GPHN: variants seen among roughly 807,000 people sequenced by gnomAD.
The protein encoded by GPHN is gephyrin.
GPHN carries 17 observed loss-of-function variants against 95.5 expected under a neutral mutation model. The observed-to-expected ratio is 0.18, with a 90% CI of 0.12 to 0.27. GPHN has a LOEUF of 0.27. Among genes scored for constraint, GPHN ranks in the 10% least tolerant of loss-of-function variants. The pLI is 1.00. For missense variants in GPHN, 660 were observed against 978.1 expected (o/e 0.67, Z 4.34); for synonymous variants, 320 against 322.5 (o/e 0.99, Z 0.08).
rs148816188 is a variant in GPHN, at chr14:67,181,499, C to T, written c.*562C>T. ...CTGCAGAGCATCCAGGGAGGTTTCTCGCCCCAATAGCCTCACGGCACAGTA... is the reference window on the plus strand; with the variant it reads ...CTGCAGAGCATCCAGGGAGGTTTCTTGCCCCAATAGCCTCACGGCACAGTA... On this transcript the variant is annotated 3_prime_UTR_variant, in exon 23 of 23. Coordinates refer to ENST00000478722, the MANE Select transcript of GPHN (RefSeq NM_020806.5). 255 of 517,490 alleles carry T rather than the reference C, an allele frequency of 4.9e-4. No homozygotes were observed. The highest frequency in any genetic ancestry group is 2.6e-3 in the Middle Eastern group (9 of 3,442). The allele number at this position is 517,490 out of a possible 1,614,324, so 32.1% of individuals were successfully genotyped here.
At chr14:67,048,111 T>C (rs2075128284) in intron 10 of GPHN, among the ~76,000 whole-genome samples, 1 of 152,216 alleles carries the variant, frequency 6.6e-6, no homozygotes, top group Non-Finnish European at 1.5e-5. Flanking sequence ...AGATCCATAT[T>C]GTTACTCTGC....
intron 1 of GPHN, among the ~76,000 whole-genome samples, chr14:66,675,515 C>T (rs1054259905): frequency 1.3e-5 from 2 of 152,108 alleles, no homozygotes; most frequent in African/African-American, 2.4e-5. Flanking sequence ...ACATTATTCC[C>T]TTGTCAGGTA....
intron 11 of GPHN, among the ~76,000 whole-genome samples, chr14:67,073,340 T>C (rs993861497): frequency 6.6e-6 from 1 of 152,136 alleles, no homozygotes; most frequent in Non-Finnish European, 1.5e-5. Context: ...ATCAGTGATA[T>C]CCTACTCATT....
chr14:67,665,584 A>G, the GPHN span, among the ~76,000 whole-genome samples: 2 of 152,154 alleles, frequency 1.3e-5, no homozygotes, highest in Non-Finnish European at 2.9e-5. Flanking sequence ...CCACTTTTTA[A>G]GTGACCATAA....
the GPHN span, chr14:67,586,027 G>T: frequency 5.0e-6 from 8 of 1,613,824 alleles, no homozygotes; most frequent in South Asian, 8.8e-5. Context: ...CTTGTGATTA[G>T]ATCTATCCCA....
rs1039625987 is a variant in GPHN, at chr14:66,827,451, T to C, written c.294+2885T>C. On this transcript the variant is annotated intron_variant, in intron 4 of 22. Coordinates refer to ENST00000478722, the MANE Select transcript of GPHN (RefSeq NM_020806.5). ...ATTTTTATCTTATACCTTAATAGACTAGTCATTTAACCACTCTGTGCCTTA... is the reference window on the plus strand; with the variant it reads ...ATTTTTATCTTATACCTTAATAGACCAGTCATTTAACCACTCTGTGCCTTA... 4.6e-5 allele frequency among the ~76,000 whole-genome samples: 7 copies of C among 152,284 alleles called. No individual in the cohort carries two copies. The South Asian group carries it at 1.0e-3, about 23-fold the overall frequency.
chr14:66,927,254 C>T (rs895401738), intron 8 of GPHN, among the ~76,000 whole-genome samples: 2 of 150,228 alleles, frequency 1.3e-5, no homozygotes, highest in Admixed American at 6.7e-5. Context: ...GAGGCTGAGA[C>T]AGGAGAATTG....
the GPHN span, chr14:67,577,264 G>T: frequency 7.4e-7 from 1 of 1,354,102 alleles, no homozygotes; most frequent in East Asian, 2.5e-5. Context: ...CCTCTCAGTA[G>T]TAACTGCCCT....
At chr14:67,681,402 A>C in the GPHN span, among the ~76,000 whole-genome samples, 1 of 152,248 alleles carries the variant, frequency 6.6e-6, no homozygotes, top group Non-Finnish European at 1.5e-5. Flanking sequence ...ATGGGTAGAA[A>C]ACTGTCTTTT....
rs200583425 is a variant in GPHN, at chr14:66,547,300, A to C, written c.64+38709A>C. Among the ~76,000 whole-genome samples the C allele has an allele frequency of 7.2e-5, 11 of 152,258 alleles. No homozygotes were observed. In the East Asian group the frequency reaches 2.1e-3, roughly 29 times the overall value. ...ATTCACAGTTTCTGGTATATAGTTG[A>C]TGCTTAACAAATTTTTGGATGATTG... On this transcript the variant is annotated intron_variant, in intron 1 of 22. Coordinates refer to ENST00000478722, the MANE Select transcript of GPHN (RefSeq NM_020806.5).
chr14:67,261,235 G>GC, the GPHN span, among the ~76,000 whole-genome samples: 2 of 152,124 alleles, frequency 1.3e-5, no homozygotes, highest in East Asian at 3.8e-4. Context: ...AGTTAATCTG[G>GC]CAATACTGTG....
At chr14:67,336,614 A>C in the GPHN span, 2 of 420,660 alleles carry the variant, frequency 4.8e-6, no homozygotes, top group African/African-American at 4.1e-5. Context: ...CGTAATTCTT[A>C]AAATATAAAG....
chr14:66,764,284 A>G (rs1218316491), intron 2 of GPHN, among the ~76,000 whole-genome samples: 1 of 152,070 alleles, frequency 6.6e-6, no homozygotes, highest in Non-Finnish European at 1.5e-5. Context: ...GTGTCTTTCT[A>G]TATAAGGGAC....
the GPHN span, among the ~76,000 whole-genome samples, chr14:67,530,303 A>G: frequency 6.6e-6 from 1 of 152,204 alleles, no homozygotes; most frequent in Admixed American, 6.5e-5. Flanking sequence ...TATTTTACAA[A>G]CATGGAATTA....
Position 66,859,923 on chromosome 14 carries a change from A to G in GPHN, c.295-20016A>G, listed in dbSNP as rs549256479. 3.3e-5 allele frequency among the ~76,000 whole-genome samples: 5 copies of G among 152,204 alleles called. No homozygotes were observed. In the East Asian group the frequency reaches 9.7e-4, roughly 29 times the overall value. Reference sequence around the variant, plus strand: ...TTGAAGAAAGACTAATTGAAAATACACAGTTAGAGGAGACAAGAAAATAAA... The same window carrying G: ...TTGAAGAAAGACTAATTGAAAATACGCAGTTAGAGGAGACAAGAAAATAAA... On this transcript the variant is annotated intron_variant, in intron 4 of 22. Transcript: ENST00000478722.
intron 2 of GPHN, among the ~76,000 whole-genome samples, chr14:66,696,900 C>T (rs991247536): frequency 6.6e-6 from 1 of 152,092 alleles, no homozygotes; most frequent in Non-Finnish European, 1.5e-5. Context: ...TAAAATTAAC[C>T]ATAAAAGAGT....
At chr14:67,456,659 A>G in the GPHN span, among the ~76,000 whole-genome samples, 1 of 152,210 alleles carries the variant, frequency 6.6e-6, no homozygotes, top group Non-Finnish European at 1.5e-5. Context: ...GGGAAGAGGA[A>G]TGCTTACACA....
chr14:67,592,709 T>A, the GPHN span: 1 of 1,592,962 alleles, frequency 6.3e-7, no homozygotes, highest in South Asian at 1.1e-5. Context: ...AGGTAGTAAA[T>A]CACCTTCTGC....
intron 2 of GPHN, among the ~76,000 whole-genome samples, chr14:66,776,239 G>T (rs1234331952): frequency 6.6e-6 from 1 of 151,888 alleles, no homozygotes; most frequent in Non-Finnish European, 1.5e-5. Context: ...GCTTAGTTAT[G>T]GGTAAAAAAT....
Sources: allele counts gnomAD v4.1 joint callset (sites outside exome capture counted in the v4.1 genomes callset), GRCh38; gene constraint gnomAD v4.1.1; transcripts MANE v1.5; gene names NCBI Gene and HGNC (gene_info 2026-07-23, HGNC 2026-07-21).